GREB1L: variants seen among roughly 807,000 people sequenced by gnomAD.
The protein encoded by GREB1L is GREB1 like retinoic acid receptor coactivator, also known as GREB1-like protein.
Under a neutral mutation model 200.8 loss-of-function variants are expected in GREB1L, and 17 were observed. The observed-to-expected ratio is 0.08, with a 90% CI of 0.06 to 0.13. GREB1L has a LOEUF of 0.13. GREB1L is among the 10% of genes least tolerant of loss of function. GREB1L has a pLI of 1.00. For synonymous variants in GREB1L, 789 were observed against 893.0 expected (o/e 0.88, Z 2.08); for missense variants, 1,657 against 2,367.7 (o/e 0.70, Z 6.23).
At chr18:21,307,142 G>C (rs1273503629) in intron 1 of GREB1L, among the ~76,000 whole-genome samples, 1 of 152,148 alleles carries the variant, frequency 6.6e-6, no homozygotes, top group Non-Finnish European at 1.5e-5. Context: ...TCCACTGCAC[G>C]GTAGCAATTT....
chr18:21,425,007 A>T (rs908127472), intron 7 of GREB1L, among the ~76,000 whole-genome samples: 27 of 152,314 alleles, frequency 1.8e-4, no homozygotes, highest in Middle Eastern at 6.8e-3. Flanking sequence ...TTACTGCTGA[A>T]TAATATTCTA....
chr18:21,304,805 T>C (rs2038674369), intron 1 of GREB1L, among the ~76,000 whole-genome samples: 1 of 152,156 alleles, frequency 6.6e-6, no homozygotes, highest in Non-Finnish European at 1.5e-5. Context: ...TGGAAAATGC[T>C]CATTCCCACC....
intron 7 of GREB1L, among the ~76,000 whole-genome samples, chr18:21,423,194 A>G (rs1158120494): frequency 6.6e-6 from 1 of 152,100 alleles, no homozygotes; most frequent in Non-Finnish European, 1.5e-5. Flanking sequence ...CTCCTAAAGT[A>G]CTGGGATTAC....
At chr18:21,438,558 A>G (rs1260171319) in intron 7 of GREB1L, among the ~76,000 whole-genome samples, 12 of 151,972 alleles carry the variant, frequency 7.9e-5, no homozygotes, top group Admixed American at 5.9e-4. Flanking sequence ...AGTCCCAGCT[A>G]TTTGAGAGGC....
chr18:21,423,278 T>G (rs979417938), intron 7 of GREB1L, among the ~76,000 whole-genome samples: 3 of 152,180 alleles, frequency 2.0e-5, no homozygotes, highest in African/African-American at 7.2e-5. Context: ...TAAGCATTGT[T>G]GCATTTGTTT....
chr18:21,432,984 G>A (rs2033279497), intron 7 of GREB1L, among the ~76,000 whole-genome samples: 2 of 152,108 alleles, frequency 1.3e-5, no homozygotes. Context: ...TGGGATTACA[G>A]GCATGAGCCA....
intron 19 of GREB1L, among the ~76,000 whole-genome samples, chr18:21,494,383 A>T (rs1419286298): frequency 6.6e-6 from 1 of 152,218 alleles, no homozygotes; most frequent in African/African-American, 2.4e-5. Flanking sequence ...TTATTTCTAA[A>T]GACTGGCTTT....
intron 7 of GREB1L, among the ~76,000 whole-genome samples, chr18:21,412,628 A>C (rs2031186227): frequency 6.6e-6 from 1 of 152,212 alleles, no homozygotes; most frequent in East Asian, 1.9e-4. Context: ...AAACACAGTG[A>C]TCACCTCTGG....
intron 4 of GREB1L, among the ~76,000 whole-genome samples, chr18:21,392,876 A>G (rs1450629641): frequency 1.3e-5 from 2 of 151,952 alleles, no homozygotes. Flanking sequence ...AGCTCAAGGG[A>G]TGCTCCCATC....
At chr18:21,519,206 T>C (rs1011166058) in intron 31 of GREB1L, among the ~76,000 whole-genome samples, 1 of 152,158 alleles carries the variant, frequency 6.6e-6, no homozygotes, top group Non-Finnish European at 1.5e-5. Flanking sequence ...CTCGTGCCTA[T>C]AACCCAGCAT....
intron 1 of GREB1L, among the ~76,000 whole-genome samples, chr18:21,311,298 A>G (rs1427432618): frequency 6.6e-6 from 1 of 152,268 alleles, no homozygotes; most frequent in Non-Finnish European, 1.5e-5. Context: ...CAAATTACAC[A>G]TAAAATTTGG....
rs533324059 is a variant in GREB1L at position 21,348,147 on chromosome 18, G to C, written c.-119-17880G>C. Among the ~76,000 whole-genome samples the C allele has an allele frequency of 4.0e-5, 6 of 151,514 alleles. No homozygotes were observed. In the South Asian group the frequency reaches 8.4e-4, roughly 21 times the overall value. ...TTTTTATTAGAGACGGGGTTTCACC[G>C]TGTTAACCAGGATGGTCTCAATCTC... On this transcript the variant is annotated intron_variant, in intron 1 of 32. Coordinates refer to ENST00000424526, the MANE Select transcript of GREB1L (RefSeq NM_001142966.3).
chr18:21,523,196 C>T lies in GREB1L; in HGVS notation c.*375C>T, dbSNP rs1411369383. 3.1e-5 allele frequency: 5 copies of T among 161,628 alleles called. No homozygotes were observed. Among genetic ancestry groups the T allele is most frequent in the Non-Finnish European group, 6.7e-5 (5 of 74,462 alleles). 10.0% of individuals were successfully genotyped at this position (161,628 alleles called of 1,614,324 possible). ...AGGATTAACTAGCCTGAATGTGTTA[C>T]ATGAGACTCATGCCATTGGTGTGGA... On this transcript the variant is annotated 3_prime_UTR_variant, in exon 33 of 33. Transcript: ENST00000424526.
intron 1 of GREB1L, among the ~76,000 whole-genome samples, chr18:21,287,088 T>A (rs2038369301): frequency 6.6e-6 from 1 of 152,246 alleles, no homozygotes; most frequent in Non-Finnish European, 1.5e-5. Context: ...TGAGTCCTGT[T>A]AGTGCCATGC....
At chr18:21,486,398 C>A (rs535459968) in intron 18 of GREB1L, among the ~76,000 whole-genome samples, 1 of 151,958 alleles carries the variant, frequency 6.6e-6, no homozygotes, top group Non-Finnish European at 1.5e-5. Context: ...TCCGGCCTCT[C>A]CTACCCTACA....
Position 21,526,094 on chromosome 18 carries a change from A to G in GREB1L, c.*3273A>G, listed in dbSNP as rs935538626. Among the ~76,000 whole-genome samples the G allele has an allele frequency of 4.6e-5, 7 of 152,194 alleles. No individual in the cohort carries two copies. Among genetic ancestry groups the G allele is most frequent in the Admixed American group, 4.6e-4 (7 of 15,272 alleles). ...GGCCTGAAACAACATCCAGAGAACG[A>G]ACATTTATCAAGCTTCTCTTTAGAC... On this transcript the variant is annotated 3_prime_UTR_variant, in exon 33 of 33. Coordinates refer to ENST00000424526, the MANE Select transcript of GREB1L (RefSeq NM_001142966.3).
intron 1 of GREB1L, among the ~76,000 whole-genome samples, chr18:21,312,761 C>T (rs1316225810): frequency 2.6e-5 from 4 of 151,972 alleles, no homozygotes; most frequent in African/African-American, 9.7e-5. Context: ...ACCATGTTGG[C>T]GAGGATGGTC....
At chr18:21,254,855 TA>T (rs2037776614) in intron 1 of GREB1L, among the ~76,000 whole-genome samples, 1 of 152,172 alleles carries the variant, frequency 6.6e-6, no homozygotes, top group South Asian at 2.1e-4. Context: ...ATGTTCAGGC[TA>T]AATGCTTTTA....
rs560524285 is a variant in GREB1L, at chr18:21,517,066, G to T, written c.5271+312G>T. On this transcript the variant is annotated intron_variant, in intron 30 of 32. Coordinates refer to ENST00000424526, the MANE Select transcript of GREB1L (RefSeq NM_001142966.3). ...TTTTTATATTTTTAGTAGAGATGGG[G>T]TTTCACCATGTTGGCCAGGCTGGTC... Among the ~76,000 whole-genome samples the T allele has an allele frequency of 2.0e-5, 3 of 152,032 alleles. No homozygotes were observed. In the East Asian group the frequency reaches 5.8e-4, roughly 30 times the overall value.
Sources: allele counts gnomAD v4.1 joint callset (sites outside exome capture counted in the v4.1 genomes callset), GRCh38; gene constraint gnomAD v4.1.1; transcripts MANE v1.5; gene names NCBI Gene and HGNC (gene_info 2026-07-23, HGNC 2026-07-21).